PDE1C: variants seen among roughly 807,000 people sequenced by gnomAD.
The protein encoded by PDE1C is phosphodiesterase 1C, also known as dual specificity calcium/calmodulin-dependent 3',5'-cyclic nucleotide phosphodiesterase 1C.
A neutral mutation model predicts 93.1 loss-of-function variants in PDE1C; 62 were observed. The observed-to-expected ratio is 0.67, with a 90% CI of 0.54 to 0.82. The LOEUF (loss-of-function observed/expected upper bound fraction) is 0.82. Among genes scored for constraint, PDE1C ranks in the 40% least tolerant of loss-of-function variants. PDE1C has a pLI of 0.00. For missense variants in PDE1C, 742 were observed against 884.6 expected (o/e 0.84, Z 2.04); for synonymous variants, 325 against 310.1 (o/e 1.05, Z -0.50).
chr7:31,750,143 T>G (rs910013469), downstream of PDE1C, among the ~76,000 whole-genome samples: 9 of 152,080 alleles, frequency 5.9e-5, no homozygotes, highest in African/African-American at 2.2e-4. Flanking sequence ...TTTGGAAGAA[T>G]AAAGCAATTA....
At chr7:31,899,808 C>T (rs1027151528) in intron 2 of PDE1C, among the ~76,000 whole-genome samples, 4 of 152,138 alleles carry the variant, frequency 2.6e-5, no homozygotes, top group African/African-American at 9.7e-5. Context: ...TGAATATGTT[C>T]CCCATTATAG....
At chr7:32,064,260 A>G (rs1191881612) in intron 1 of PDE1C, among the ~76,000 whole-genome samples, 1 of 152,108 alleles carries the variant, frequency 6.6e-6, no homozygotes, top group East Asian at 1.9e-4. Context: ...AGCTACTTGA[A>G]CATTCCAGAG....
At chr7:32,326,440 G>A (rs1162705242) in intron 1 of PDE1C, among the ~76,000 whole-genome samples, 1 of 152,202 alleles carries the variant, frequency 6.6e-6, no homozygotes, top group African/African-American at 2.4e-5. Context: ...GATCTGGAAG[G>A]ACTAGAAGAT....
chr7:32,026,800 A>C (rs1331403301), intron 2 of PDE1C, among the ~76,000 whole-genome samples: 1 of 152,194 alleles, frequency 6.6e-6, no homozygotes, highest in African/African-American at 2.4e-5. Flanking sequence ...ACTGTGGTAC[A>C]TCTAGACAGT....
chr7:31,820,218 A>G (rs1788793929), intron 14 of PDE1C, among the ~76,000 whole-genome samples: 1 of 152,114 alleles, frequency 6.6e-6, no homozygotes, highest in South Asian at 2.1e-4. Flanking sequence ...ATATGTACAG[A>G]AAAGCAAATT....
intron 17 of PDE1C, among the ~76,000 whole-genome samples, chr7:31,775,329 C>T (rs1795754045): frequency 1.3e-5 from 2 of 152,172 alleles, no homozygotes; most frequent in African/African-American, 4.8e-5. Context: ...AAACCTGAGT[C>T]TCGATCTCAC....
chr7:31,950,175 C>T lies in PDE1C; in HGVS notation c.129-69315G>A, dbSNP rs780506540. ...CCACAAGTTAAAAAATTAAAACTCC[C>T]ATTTGAATATTTATCAAAACTCTTT... On this transcript the variant is annotated intron_variant, in intron 2 of 17. Transcript: ENST00000396191. Among the ~76,000 whole-genome samples the T allele has an allele frequency of 3.5e-4, 54 of 152,168 alleles. 1 individual carries two copies. The highest frequency in any genetic ancestry group is 6.6e-4 in the Non-Finnish European group (45 of 68,028).
At chr7:31,979,173 C>T (rs941705422) in intron 2 of PDE1C, among the ~76,000 whole-genome samples, 2 of 152,128 alleles carry the variant, frequency 1.3e-5, no homozygotes, top group African/African-American at 4.8e-5. Context: ...CCTCCCATAT[C>T]ATGGGTAATT....
At chr7:32,318,833 A>G (rs1783225966) in intron 1 of PDE1C, among the ~76,000 whole-genome samples, 1 of 152,208 alleles carries the variant, frequency 6.6e-6, no homozygotes, top group Non-Finnish European at 1.5e-5. Flanking sequence ...GGGAAGGGCG[A>G]CACGGCTCAC....
intron 2 of PDE1C, among the ~76,000 whole-genome samples, chr7:32,034,222 A>G (rs1208598703): frequency 6.6e-6 from 1 of 152,104 alleles, no homozygotes; most frequent in East Asian, 1.9e-4. Flanking sequence ...GGTTTCCTTC[A>G]TGAACTTCTA....
intron 14 of PDE1C, chr7:31,820,882 G>T (rs1329449020): frequency 1.3e-5 from 2 of 151,332 alleles, no homozygotes; most frequent in Non-Finnish European, 2.9e-5. Context: ...CCTTGTGCAG[G>T]CTGCTTTCTC....
the PDE1C span, among the ~76,000 whole-genome samples, chr7:31,679,360 A>G: frequency 6.6e-6 from 1 of 152,258 alleles, no homozygotes; most frequent in African/African-American, 2.4e-5. Context: ...CAGAAGTTAT[A>G]GCCGCTATTT....
At chr7:32,064,738 C>A (rs112359216) in intron 1 of PDE1C, among the ~76,000 whole-genome samples, 2 of 152,092 alleles carry the variant, frequency 1.3e-5, no homozygotes, top group African/African-American at 4.8e-5. Context: ...GAACACAGCA[C>A]TTTTTTGTTG....
At chr7:32,113,951 C>T (rs981277896) in intron 3 of PDE1C, among the ~76,000 whole-genome samples, 1 of 152,118 alleles carries the variant, frequency 6.6e-6, no homozygotes, top group Non-Finnish European at 1.5e-5. Flanking sequence ...TCAAGGAGAA[C>T]TGCAAACCAC....
At chr7:32,132,313 G>T (rs1193373829) in intron 3 of PDE1C, among the ~76,000 whole-genome samples, 1 of 152,104 alleles carries the variant, frequency 6.6e-6, no homozygotes, top group Non-Finnish European at 1.5e-5. Flanking sequence ...TAAGCAAAAT[G>T]GGAAGCCATT....
chr7:32,020,256 A>G (rs1196656008), intron 2 of PDE1C, among the ~76,000 whole-genome samples: 5 of 152,226 alleles, frequency 3.3e-5, no homozygotes, highest in Admixed American at 3.3e-4. Flanking sequence ...AATATTGAGG[A>G]AAGGCTATAT....
At chr7:31,623,786 G>C in the PDE1C span, among the ~76,000 whole-genome samples, 1 of 151,774 alleles carries the variant, frequency 6.6e-6, no homozygotes, top group Non-Finnish European at 1.5e-5. Flanking sequence ...TTAGGCAGGA[G>C]AAGGAAATAA....
intron 2 of PDE1C, among the ~76,000 whole-genome samples, chr7:31,985,056 A>G (rs754923085): frequency 1.2e-4 from 18 of 152,182 alleles, no homozygotes; most frequent in Admixed American, 5.9e-4. Context: ...ATAAAAATTG[A>G]CGCCTAAAGA....
At chr7:32,155,479 G>A (rs978669168) in intron 3 of PDE1C, among the ~76,000 whole-genome samples, 3 of 152,182 alleles carry the variant, frequency 2.0e-5, no homozygotes, top group Non-Finnish European at 2.9e-5. Context: ...AGAAAGGAAA[G>A]AGAGAAACCA....
Sources: allele counts gnomAD v4.1 joint callset (sites outside exome capture counted in the v4.1 genomes callset), GRCh38; gene constraint gnomAD v4.1.1; transcripts MANE v1.5; gene names NCBI Gene and HGNC (gene_info 2026-07-23, HGNC 2026-07-21).